ZBTB24: variants seen among roughly 807,000 people sequenced by gnomAD.
ZBTB24 encodes zinc finger and BTB domain containing 24.
A neutral mutation model predicts 53.8 loss-of-function variants in ZBTB24; 32 were observed. The observed-to-expected ratio is 0.60, with a 90% CI of 0.45 to 0.80. The LOEUF (loss-of-function observed/expected upper bound fraction) is 0.80. Ranked by LOEUF, ZBTB24 falls within the 30% of genes least tolerant of loss-of-function variation. The probability of loss-of-function intolerance (pLI) is 0.00; values close to 1 mark genes in which losing one functional copy is unlikely to be tolerated. For synonymous variants in ZBTB24, 297 were observed against 306.7 expected (o/e 0.97, Z 0.33); for missense variants, 722 against 837.1 (o/e 0.86, Z 1.70).
Position 109,476,871 on chromosome 6 carries a change from G to GT in ZBTB24, c.1011dup (p.Gln338ThrfsTer44), listed in dbSNP as rs1213470542. 6.2e-7 allele frequency: 1 copy of GT among 1,614,186 alleles called. No homozygotes were observed. Among genetic ancestry groups the GT allele is most frequent in the Non-Finnish European group, 8.5e-7 (1 of 1,180,038 alleles). On this transcript the variant is annotated frameshift_variant, in exon 3 of 7. Transcript: ENST00000230122. LOFTEE classifies it high-confidence loss of function. ...CCTGTGTGCATCCTGGTGTGGACCT[G>GT]TAGCGAGTGCTTCTGGGCAAAGCCT...
chr6:109,469,197 T>G (rs1776116535), intron 5 of ZBTB24, among the ~76,000 whole-genome samples: 1 of 152,250 alleles, frequency 6.6e-6, no homozygotes, highest in African/African-American at 2.4e-5. Context: ...TCTATAGCTT[T>G]CTACATCAGA....
At chr6:109,472,253 G>A (rs1776182513) in intron 5 of ZBTB24, among the ~76,000 whole-genome samples, 1 of 152,094 alleles carries the variant, frequency 6.6e-6, no homozygotes, top group South Asian at 2.1e-4. Context: ...GGTCATAGTT[G>A]CTGCTCTTGA....
intron 4 of ZBTB24, 96 bp downstream of exon 4, chr6:109,476,079 T>G (rs756976746): frequency 7.2e-7 from 1 of 1,382,722 alleles, no homozygotes; most frequent in South Asian, 1.2e-5. Flanking sequence ...GTGAACGATA[T>G]GTGCTAAGAG....
In ZBTB24 at chr6:109,465,965, T is replaced by C; in HGVS notation, c.1980A>G (p.Leu660=). 1 of 1,614,244 alleles carries C rather than the reference T, an allele frequency of 6.2e-7. No homozygotes were observed. The highest frequency in any genetic ancestry group is 8.5e-7 in the Non-Finnish European group (1 of 1,180,044). ...GAGCTGGATCTGAAGTACTTGTAGC[T>C]AAATGGAGCTCCTCTGTTTGCTCTT... is the stretch of plus-strand genomic sequence containing the variant. ...AHQEQTEELH[L]ATSTSDPAQH... The change falls in exon 7 of 7, where the codon TTA becomes TTG. Residue 660 remains leucine (L), a synonymous_variant. Coordinates refer to ENST00000230122, the MANE Select transcript of ZBTB24 (RefSeq NM_014797.3).
chr6:109,477,223 C>T (rs1290576620), intron 2 of ZBTB24, among the ~76,000 whole-genome samples: 1 of 152,208 alleles, frequency 6.6e-6, no homozygotes, highest in African/African-American at 2.4e-5. Flanking sequence ...ATAGCCTCAA[C>T]CTCCTGGGAA....
Position 109,465,743 on chromosome 6 carries a change from A to G in ZBTB24, c.*108T>C. 1 of 1,611,822 alleles carries G rather than the reference A, an allele frequency of 6.2e-7. No individual in the cohort carries two copies. Among genetic ancestry groups the G allele is most frequent in the Non-Finnish European group, 8.5e-7 (1 of 1,179,730 alleles). Reference sequence around the variant, plus strand: ...CAGTTAGCCATCACAGCTCTCACAGAAGCATCTGCAAGTCAATGGTGTGGA... The same window carrying G: ...CAGTTAGCCATCACAGCTCTCACAGGAGCATCTGCAAGTCAATGGTGTGGA... On this transcript the variant is annotated 3_prime_UTR_variant, in exon 7 of 7. Transcript: ENST00000230122.
intron 5 of ZBTB24, among the ~76,000 whole-genome samples, chr6:109,475,092 A>C (rs577488849): frequency 4.0e-5 from 6 of 151,884 alleles, no homozygotes; most frequent in Non-Finnish European, 7.4e-5. Flanking sequence ...ATGCTGAAGT[A>C]AATTAAGAGT....
chr6:109,483,074 G>A (rs1275371371), intron 1 of ZBTB24, 24 bp downstream of exon 1: 1 of 152,068 alleles, frequency 6.6e-6, no homozygotes, highest in Non-Finnish European at 1.5e-5. Context: ...GCGCCCGGTG[G>A]GGTCCGGGTC....
intron 4 of ZBTB24, 117 bp downstream of exon 4, chr6:109,476,057 TA>T (rs1776271690): frequency 8.7e-7 from 1 of 1,143,236 alleles, no homozygotes; most frequent in Non-Finnish European, 1.3e-6. Flanking sequence ...CACTTTTCCC[TA>T]AATACCCTAT....
chr6:109,468,823 G>A (rs1776107336), intron 5 of ZBTB24, among the ~76,000 whole-genome samples: 2 of 151,604 alleles, frequency 1.3e-5, no homozygotes, highest in Admixed American at 1.3e-4. Context: ...ATCAGCAAGT[G>A]CTTATTCAGT....
In ZBTB24 at chr6:109,465,683, C is replaced by T; in HGVS notation, c.*168G>A. On this transcript the variant is annotated 3_prime_UTR_variant, in exon 7 of 7. Coordinates refer to ENST00000230122, the MANE Select transcript of ZBTB24 (RefSeq NM_014797.3). The stretch of plus-strand genomic sequence containing the variant: ...CAGTACCTTAGACAAGACATACACA[C>T]ATCTTGCTACCTGGATGGAGGGCAT... 6.3e-7 allele frequency: 1 copy of T among 1,594,502 alleles called. No homozygotes were observed. Among genetic ancestry groups the T allele is most frequent in the African/African-American group, 1.3e-5 (1 of 74,918 alleles).
Position 109,463,811 on chromosome 6 carries a change from A to C in ZBTB24, c.*2040T>G, listed in dbSNP as rs1775966340. ...ATTTGGCAAATGTTGGATTAAATAA[A>C]CTTTTATTAACATTTTCACCTGCTT... is the stretch of plus-strand genomic sequence containing the variant. On this transcript the variant is annotated 3_prime_UTR_variant, in exon 7 of 7. Transcript: ENST00000230122. The C allele has an allele frequency of 6.6e-6, 1 of 152,212 alleles. No individual in the cohort carries two copies. The allele number at this position is 152,212 out of a possible 1,614,324, so 9.4% of individuals were successfully genotyped here. A position where few individuals can be genotyped will look rare whatever the true frequency, so the allele number is the denominator to read the frequency against.
At chr6:109,472,537 C>T (rs1374008906) in intron 5 of ZBTB24, among the ~76,000 whole-genome samples, 1 of 152,192 alleles carries the variant, frequency 6.6e-6, no homozygotes, top group East Asian at 1.9e-4. Flanking sequence ...GGAAGTGCCT[C>T]TTCTGGCACT....
At chr6:109,478,558 A>C (rs531014626) in intron 2 of ZBTB24, among the ~76,000 whole-genome samples, 15 of 152,264 alleles carry the variant, frequency 9.9e-5, no homozygotes, top group African/African-American at 3.4e-4. Flanking sequence ...AAAATTAGCC[A>C]GGCATGGTGG....
At chr6:109,467,838 A>C in intron 5 of ZBTB24, 104 bp from the exon 6 acceptor site, 1 of 1,331,154 alleles carries the variant, frequency 7.5e-7, no homozygotes. Context: ...GTTTCACAAT[A>C]TAAACAGAAC....
chr6:109,475,581 T>C (rs1776262523), intron 4 of ZBTB24, 99 bp from the exon 5 acceptor site: 1 of 1,425,590 alleles, frequency 7.0e-7, no homozygotes, highest in Non-Finnish European at 9.8e-7. Flanking sequence ...ATAATCACTT[T>C]AAATATAGTA....
intron 6 of ZBTB24, 105 bp downstream of exon 6, chr6:109,467,548 C>A: frequency 6.3e-7 from 1 of 1,585,794 alleles, no homozygotes; most frequent in Non-Finnish European, 8.6e-7. Context: ...CAAAATTCTG[C>A]AAAGTAACAA....
intron 5 of ZBTB24, 142 bp downstream of exon 5, chr6:109,475,257 A>T: frequency 9.8e-7 from 1 of 1,019,076 alleles, no homozygotes; most frequent in Non-Finnish European, 1.5e-6. Flanking sequence ...TCCAACTTTT[A>T]ACTTATCTTC....
At chr6:109,476,721 T>C in intron 3 of ZBTB24, 42 bp downstream of exon 3, 2 of 1,603,722 alleles carry the variant, frequency 1.2e-6, no homozygotes, top group South Asian at 1.1e-5. Context: ...CCCTGGGGAA[T>C]GGGAATCTGG....
Sources: gnomAD v4.1 joint callset for allele counts (sites outside exome capture counted in the v4.1 genomes callset) on GRCh38, gnomAD v4.1.1 for gene constraint, MANE v1.5 for transcripts, NCBI Gene and HGNC (gene_info 2026-07-23, HGNC 2026-07-21) for gene names.